FGF9: variants seen among roughly 807,000 people sequenced by gnomAD.
FGF9 encodes the protein fibroblast growth factor 9.
In FGF9, 3 loss-of-function variants were observed where a neutral mutation model predicts 19.9. The ratio of observed to expected loss-of-function variants is 0.15; its 90% confidence interval spans 0.07 to 0.39. The LOEUF is 0.39. FGF9 is among the 10% of genes least tolerant of loss of function. The pLI, the probability that FGF9 is intolerant of heterozygous loss-of-function variation, is 1.00. For missense variants in FGF9, 175 were observed against 256.8 expected (o/e 0.68, Z 2.18); for synonymous variants, 107 against 106.9 (o/e 1.00, Z -0.01).
intron 1 of FGF9, among the ~76,000 whole-genome samples, chr13:21,676,700 C>T (rs1293596291): frequency 6.6e-6 from 1 of 152,218 alleles, no homozygotes; most frequent in Non-Finnish European, 1.5e-5. Context: ...CCCTGCCCCT[C>T]TCGACAGTCT....
chr13:21,694,598 A>C (rs941687647), intron 2 of FGF9, among the ~76,000 whole-genome samples: 1 of 152,160 alleles, frequency 6.6e-6, no homozygotes, highest in Non-Finnish European at 1.5e-5. Flanking sequence ...CAGCTTTTGC[A>C]TATCTTTGAT....
At position 21,703,537 on chromosome 13, in the gene FGF9, C is replaced by T. The variant is rs1016343397; in HGVS notation, c.*2102C>T. ...TTTTATTTTCCTTTCTAAACAGAAACTGCATTTAATTCCAAAAAGTAGTAT... is the reference window on the plus strand; with the variant it reads ...TTTTATTTTCCTTTCTAAACAGAAATTGCATTTAATTCCAAAAAGTAGTAT... On this transcript the variant is annotated 3_prime_UTR_variant, in exon 3 of 3. Transcript: ENST00000382353. 1 of 152,196 alleles carries T rather than the reference C, an allele frequency of 6.6e-6. No individual in the cohort carries two copies. The highest frequency in any genetic ancestry group is 1.5e-5 in the Non-Finnish European group (1 of 68,026). The allele number at this position is 152,196 out of a possible 1,614,324, so 9.4% of individuals were successfully genotyped here. A position where few individuals can be genotyped will look rare whatever the true frequency, so the allele number is the denominator to read the frequency against.
rs531084708 is a variant in FGF9 at position 21,672,680 on chromosome 13, C to T, written c.277+491C>T. On this transcript the variant is annotated intron_variant, in intron 1 of 2. Coordinates refer to ENST00000382353, the MANE Select transcript of FGF9 (RefSeq NM_002010.3). This position sits in a 1 kb window ranked among gnomAD's most constrained non-coding sequence, Gnocchi z 4.2. ...GTATATTAAGTGCATTGTTTATTCT[C>T]CCCTGTGAGGGTCTGAAAGCCCCAT... 1.7e-4 allele frequency among the ~76,000 whole-genome samples: 26 copies of T among 152,282 alleles called. No individual in the cohort carries two copies. Among genetic ancestry groups the T allele is most frequent in the Non-Finnish European group, 3.4e-4 (23 of 68,030 alleles).
intron 2 of FGF9, among the ~76,000 whole-genome samples, chr13:21,690,246 T>C (rs1205970947): frequency 6.6e-6 from 1 of 152,094 alleles, no homozygotes; most frequent in African/African-American, 2.4e-5. Context: ...ATGTACACAT[T>C]AACTCTTCTG....
rs1168317496 is a variant in FGF9 at position 21,703,329 on chromosome 13, G to C, written c.*1894G>C. 2.0e-5 allele frequency: 3 copies of C among 152,192 alleles called. No homozygotes were observed. The highest frequency in any genetic ancestry group is 2.9e-5 in the Non-Finnish European group (2 of 68,034). The allele number at this position is 152,192 out of a possible 1,614,324, so 9.4% of individuals were successfully genotyped here. On this transcript the variant is annotated 3_prime_UTR_variant, in exon 3 of 3. Transcript: ENST00000382353. Reference sequence around the variant, plus strand: ...CTAGAAGCGCATGACTTATTGTGACGATGTCTTGCCTTTCTGTGGTCCAAG... The same window carrying C: ...CTAGAAGCGCATGACTTATTGTGACCATGTCTTGCCTTTCTGTGGTCCAAG...
chr13:21,701,225 G>T lies in FGF9; in HGVS notation c.417G>T (p.Gln139His). 6.2e-7 allele frequency: 1 copy of T among 1,613,812 alleles called. No homozygotes were observed. The highest frequency in any genetic ancestry group is 1.6e-4 in the Middle Eastern group (1 of 6,062). Residue 139 changes from glutamine to histidine, a missense_variant, in exon 3 of 3, where the codon CAG becomes CAT. Physicochemically the swap from Gln to His is conservative, Grantham distance 24. Around this residue, in one of 3 missense-constraint regions of FGF9, gnomAD observed 101 missense variants for 160.7 expected, o/e 0.63. Transcript: ENST00000382353. ...KLTQECVFRE[Q>H]FEENWYNTYS... ...CCCAAGAGTGTGTATTCAGAGAACA[G>T]TTCGAAGAAAACTGGTATAATACGT...
At position 21,702,347 on chromosome 13, in the gene FGF9, T is replaced by C. The variant is rs1872569967; in HGVS notation, c.*912T>C. ...CTCTTCAGACTGCTTGTTTCATAGC[T>C]TATCCCAGAGGATTAAAGATAAACT... is the stretch of plus-strand genomic sequence containing the variant. On this transcript the variant is annotated 3_prime_UTR_variant, in exon 3 of 3. Coordinates refer to ENST00000382353, the MANE Select transcript of FGF9 (RefSeq NM_002010.3). 6.6e-6 allele frequency: 1 copy of C among 152,230 alleles called. No individual in the cohort carries two copies. Among genetic ancestry groups the C allele is most frequent in the Admixed American group, 6.5e-5 (1 of 15,292 alleles). 9.4% of individuals were successfully genotyped at this position (152,230 alleles called of 1,614,324 possible).
rs79892141 is a variant in FGF9 at position 21,701,902 on chromosome 13, C to T, written c.*467C>T. 2.2e-3 allele frequency: 370 copies of T among 168,716 alleles called. 4 individuals carry two copies. Among genetic ancestry groups the T allele is most frequent in the African/African-American group, 8.4e-3 (351 of 41,924 alleles). The allele number at this position is 168,716 out of a possible 1,614,324, so 10.5% of individuals were successfully genotyped here. On this transcript the variant is annotated 3_prime_UTR_variant, in exon 3 of 3. Coordinates refer to ENST00000382353, the MANE Select transcript of FGF9 (RefSeq NM_002010.3). Reference sequence around the variant, plus strand: ...TCAGGATTCTGGCTGGTGGCCTGCGCGAGGGTGCAGTCTTACTTAAAAGAC... The same window carrying T: ...TCAGGATTCTGGCTGGTGGCCTGCGTGAGGGTGCAGTCTTACTTAAAAGAC...
In FGF9 at chr13:21,691,664, T is replaced by C. The variant is rs955134849; in HGVS notation, c.382-9526T>C. On this transcript the variant is annotated intron_variant, in intron 2 of 2. Coordinates refer to ENST00000382353, the MANE Select transcript of FGF9 (RefSeq NM_002010.3). This position sits in a 1 kb window ranked among gnomAD's most constrained non-coding sequence, Gnocchi z 4.2. The stretch of plus-strand genomic sequence containing the variant: ...AGAGATGCCCTCCATCCTTACAAAG[T>C]GGAGTGGGAACCACTGTCCTGGGCC... 1.3e-5 allele frequency among the ~76,000 whole-genome samples: 2 copies of C among 152,196 alleles called. No individual in the cohort carries two copies. Among genetic ancestry groups the C allele is most frequent in the Non-Finnish European group, 2.9e-5 (2 of 68,028 alleles).
chr13:21,677,254 T>C (rs576382174), intron 1 of FGF9, among the ~76,000 whole-genome samples: 1 of 152,196 alleles, frequency 6.6e-6, no homozygotes, highest in Non-Finnish European at 1.5e-5. Context: ...ATGGTACACA[T>C]GTGTGTGCCA....
intron 2 of FGF9, among the ~76,000 whole-genome samples, chr13:21,698,787 T>C (rs1404690869): frequency 6.6e-6 from 1 of 152,228 alleles, no homozygotes; most frequent in Non-Finnish European, 1.5e-5. Context: ...GTAGGTGATG[T>C]GATTTCCTGC....
In FGF9 at chr13:21,704,157, T is replaced by C. The variant is rs1872603192; in HGVS notation, c.*2722T>C. On this transcript the variant is annotated 3_prime_UTR_variant, in exon 3 of 3. Transcript: ENST00000382353. The stretch of plus-strand genomic sequence containing the variant: ...CTGAGCCACTGTGGAATGGGGGTTC[T>C]GGTTTCACAAACAGATGCTTAGATA... The C allele has an allele frequency of 6.6e-6, 1 of 152,172 alleles. No homozygotes were observed. Among genetic ancestry groups the C allele is most frequent in the Admixed American group, 6.5e-5 (1 of 15,274 alleles). The allele number at this position is 152,172 out of a possible 1,614,324, so 9.4% of individuals were successfully genotyped here.
intron 2 of FGF9, among the ~76,000 whole-genome samples, chr13:21,684,897 C>T (rs1014122160): frequency 5.9e-5 from 9 of 152,120 alleles, no homozygotes; most frequent in African/African-American, 1.9e-4. Context: ...GAGGGAGGCT[C>T]CTGGGCAGCA....
intron 1 of FGF9, among the ~76,000 whole-genome samples, chr13:21,675,322 G>A (rs532718710): frequency 1.3e-5 from 2 of 152,206 alleles, no homozygotes; most frequent in African/African-American, 2.4e-5. Context: ...GCAGTGCCGC[G>A]GTCTCCCGCT....
intron 2 of FGF9, among the ~76,000 whole-genome samples, chr13:21,693,023 G>A (rs1380999545): frequency 6.6e-6 from 1 of 152,188 alleles, no homozygotes; most frequent in Non-Finnish European, 1.5e-5. Context: ...GGCTGCCATA[G>A]CACCCAAAAT....
Position 21,671,788 on chromosome 13 carries a change from C to A in FGF9, c.-125C>A. 1 of 1,062,390 alleles carries A rather than the reference C, an allele frequency of 9.4e-7. No homozygotes were observed. Among genetic ancestry groups the A allele is most frequent in the Non-Finnish European group, 1.4e-6 (1 of 704,310 alleles). 65.8% of individuals were successfully genotyped at this position (1,062,390 alleles called of 1,614,324 possible). A position where few individuals can be genotyped will look rare whatever the true frequency, so the allele number is the denominator to read the frequency against. On this transcript the variant is annotated 5_prime_UTR_variant, in exon 1 of 3. Coordinates refer to ENST00000382353, the MANE Select transcript of FGF9 (RefSeq NM_002010.3). Reference sequence around the variant, plus strand: ...CATTTAATGGATTGAAGAAAAGAACCTTTTTTTTCTCTCTCTCTCTGCAAC... The same window carrying A: ...CATTTAATGGATTGAAGAAAAGAACATTTTTTTTCTCTCTCTCTCTGCAAC...
chr13:21,681,049 G>A lies in FGF9; in HGVS notation c.285G>A (p.Leu95=), dbSNP rs1872032477. The part of the protein sequence containing the change: ...TRKDHSRFGI[L]EFISIAVGLV... ...TCTACCCTTTGTCTACAGGCATTCT[G>A]GAATTTATCAGTATAGCAGTGGGCC... The change falls in exon 2 of 3, where the codon CTG becomes CTA. Residue 95 remains leucine, a synonymous_variant. Coordinates refer to ENST00000382353, the MANE Select transcript of FGF9 (RefSeq NM_002010.3). The A allele has an allele frequency of 6.2e-7, 1 of 1,612,926 alleles. No homozygotes were observed. The highest frequency in any genetic ancestry group is 1.3e-5 in the African/African-American group (1 of 74,978).
At chr13:21,679,789 A>C (rs1871998767) in intron 1 of FGF9, among the ~76,000 whole-genome samples, 2 of 150,418 alleles carry the variant, frequency 1.3e-5, no homozygotes, top group Non-Finnish European at 3.0e-5. Context: ...ATACAAAAAA[A>C]AAAAAAAAAA....
intron 2 of FGF9, among the ~76,000 whole-genome samples, chr13:21,699,625 A>G (rs1872492622): frequency 5.3e-5 from 8 of 152,102 alleles, no homozygotes; most frequent in Admixed American, 5.2e-4. Flanking sequence ...GGAGTTGGGG[A>G]TGATGGATTC....
Sources: gnomAD v4.1 joint callset for allele counts (sites outside exome capture counted in the v4.1 genomes callset) on GRCh38, gnomAD v4.1.1 for gene constraint, gnomAD v4.1.1 regional missense constraint, Gnocchi (gnomAD v3.1) non-coding constraint, MANE v1.5 for transcripts, NCBI Gene and HGNC (gene_info 2026-07-23, HGNC 2026-07-21) for gene names.